Variants in MYO5B observed in about 807,000 individuals in gnomAD.
The protein encoded by MYO5B is myosin VB.
In MYO5B, 143 loss-of-function variants were observed where a neutral mutation model predicts 229.3. That is an observed-to-expected ratio of 0.62 (90% CI 0.54 to 0.72). The LOEUF (loss-of-function observed/expected upper bound fraction) is 0.72, where lower values mean the gene tolerates loss of function less well. Among genes scored for constraint, MYO5B ranks in the 30% least tolerant of loss-of-function variants. MYO5B has a pLI of 0.00. For synonymous variants in MYO5B, 918 were observed against 885.2 expected (o/e 1.04, Z -0.66); for missense variants, 2,321 against 2,331.0 (o/e 1.00, Z 0.09).
At chr18:49,943,219 G>C (rs540412891) in intron 14 of MYO5B, among the ~76,000 whole-genome samples, 9 of 115,154 alleles carry the variant, frequency 7.8e-5, no homozygotes, top group African/African-American at 3.0e-4. Flanking sequence ...ACTGTTGTGG[G>C]GTGGGGGGAG....
At chr18:49,920,888 C>T (rs909416199) in intron 17 of MYO5B, among the ~76,000 whole-genome samples, 3 of 152,134 alleles carry the variant, frequency 2.0e-5, no homozygotes, top group African/African-American at 4.8e-5. Context: ...CGTGAAAACC[C>T]GTGGGTCAGG....
At position 49,906,465 on chromosome 18, in the gene MYO5B, C is replaced by A; in HGVS notation, c.2368G>T (p.Ala790Ser). Residue 790 changes from alanine to serine, a missense_variant, in exon 19 of 40, where the codon GCT becomes TCT. This residue lies in a region of MYO5B where 2,113 missense variants were observed against 2,044.7 expected (regional missense o/e 1.03). Transcript: ENST00000285039. ...QKVKYHRLKG[A>S]TLTLQRYCRG... ...CAGTACCTCTGCAGGGTTAAGGTAG[C>A]CCCCTTCAGCCTGTGATATTTCACC... 1.2e-6 allele frequency: 2 copies of A among 1,614,188 alleles called. No homozygotes were observed. Among genetic ancestry groups the A allele is most frequent in the Non-Finnish European group, 1.7e-6 (2 of 1,180,034 alleles).
chr18:50,110,721 A>C (rs1237998892), intron 1 of MYO5B, among the ~76,000 whole-genome samples: 1 of 152,238 alleles, frequency 6.6e-6, no homozygotes, highest in Non-Finnish European at 1.5e-5. Context: ...ATTAGTAAAC[A>C]ATTTCCAAAT....
At chr18:49,940,281 C>T (rs1312443195) in intron 14 of MYO5B, among the ~76,000 whole-genome samples, 2 of 152,168 alleles carry the variant, frequency 1.3e-5, no homozygotes, top group Admixed American at 6.5e-5. Flanking sequence ...CTTCTGCAGT[C>T]AGAGATACCT....
At chr18:49,877,558 T>A (rs1467172617) in intron 25 of MYO5B, among the ~76,000 whole-genome samples, 1 of 152,196 alleles carries the variant, frequency 6.6e-6, no homozygotes, top group Non-Finnish European at 1.5e-5. Flanking sequence ...TGAACAATAA[T>A]GTATTGCTTT....
At chr18:49,947,101 CTT>C (rs74176748) in intron 14 of MYO5B, among the ~76,000 whole-genome samples, 3,156 of 108,170 alleles carry the variant, frequency 0.029, 43 homozygotes, top group African/African-American at 0.086. Context: ...TCACCAAGCT[CTT>C]TTTTTTTTTT....
At chr18:50,108,341 T>G (rs1431838889) in intron 1 of MYO5B, among the ~76,000 whole-genome samples, 3 of 152,238 alleles carry the variant, frequency 2.0e-5, no homozygotes, top group Non-Finnish European at 4.4e-5. Context: ...ATAGTTTGAG[T>G]CTTCTGCTCT....
chr18:49,839,934 T>C (rs898761126), intron 35 of MYO5B: 2 of 156,362 alleles, frequency 1.3e-5, no homozygotes. Flanking sequence ...AAAAGATTAG[T>C]GCTCCCAAAA....
At chr18:49,932,752 A>T (rs1019370578) in intron 16 of MYO5B, among the ~76,000 whole-genome samples, 3 of 152,170 alleles carry the variant, frequency 2.0e-5, no homozygotes, top group African/African-American at 7.2e-5. Flanking sequence ...TATTGCCATC[A>T]TCTTTCCCTG....
intron 1 of MYO5B, among the ~76,000 whole-genome samples, chr18:50,133,267 T>A (rs184860540): frequency 6.7e-6 from 1 of 149,930 alleles, no homozygotes; most frequent in East Asian, 2.0e-4. Context: ...TCTCTAGTGC[T>A]CTCCTCAAAT....
intron 27 of MYO5B, 90 bp downstream of exon 27, chr18:49,872,077 G>T (rs1374354908): frequency 1.7e-6 from 2 of 1,202,976 alleles, no homozygotes; most frequent in South Asian, 1.2e-5. Context: ...AGCAGACTGG[G>T]GCTCAGGGCC....
At chr18:50,080,340 C>A (rs2031188932) in intron 1 of MYO5B, among the ~76,000 whole-genome samples, 2 of 152,142 alleles carry the variant, frequency 1.3e-5, no homozygotes, top group Admixed American at 1.3e-4. Context: ...GAGGTGCTGC[C>A]CTCACTTCCA....
At chr18:50,154,464 G>A (rs1354445480) in intron 1 of MYO5B, among the ~76,000 whole-genome samples, 1 of 152,170 alleles carries the variant, frequency 6.6e-6, no homozygotes, top group African/African-American at 2.4e-5. Context: ...AAGCCTACCT[G>A]CATATTGGGG....
At chr18:49,915,457 T>G (rs1324565325) in intron 17 of MYO5B, among the ~76,000 whole-genome samples, 1 of 152,240 alleles carries the variant, frequency 6.6e-6, no homozygotes, top group African/African-American at 2.4e-5. Context: ...ATCAGGTCCA[T>G]GTGGATTCCC....
At chr18:49,892,168 A>C (rs2024722863) in intron 22 of MYO5B, among the ~76,000 whole-genome samples, 1 of 152,264 alleles carries the variant, frequency 6.6e-6, no homozygotes, top group Non-Finnish European at 1.5e-5. Flanking sequence ...GGATCGCTGA[A>C]GCTTTCAAAA....
chr18:50,046,730 A>C (rs1396075849), intron 2 of MYO5B, among the ~76,000 whole-genome samples: 3 of 152,152 alleles, frequency 2.0e-5, no homozygotes, highest in Non-Finnish European at 4.4e-5. Context: ...GCACAAAAAA[A>C]CACAAACAAG....
intron 4 of MYO5B, among the ~76,000 whole-genome samples, chr18:50,013,333 G>A (rs968590386): frequency 6.6e-6 from 1 of 152,208 alleles, no homozygotes; most frequent in Non-Finnish European, 1.5e-5. Flanking sequence ...ACAGGTCTGA[G>A]TATGCCAACT....
In MYO5B at chr18:49,879,297, C is replaced by G. The variant is rs1331735608; in HGVS notation, c.3131-207G>C. ...TAGTCTTCAGAGAGGGAGAGAAAGA[C>G]CCTGCTCTCAGGGAATGGGGAGAGA... On this transcript the variant is annotated intron_variant, in intron 23 of 39. Transcript: ENST00000285039. 2.3e-5 allele frequency: 14 copies of G among 614,380 alleles called. No individual in the cohort carries two copies. The Middle Eastern group carries it at 2.1e-3, about 94-fold the overall frequency. 38.1% of individuals were successfully genotyped at this position (614,380 alleles called of 1,614,324 possible). A position where few individuals can be genotyped will look rare whatever the true frequency, so the allele number is the denominator to read the frequency against.
intron 1 of MYO5B, among the ~76,000 whole-genome samples, chr18:50,109,184 G>A (rs887237291): frequency 6.6e-6 from 1 of 152,118 alleles, no homozygotes; most frequent in African/African-American, 2.4e-5. Flanking sequence ...ACCCTAAGAG[G>A]GCAAATGGCA....
Sources: allele counts gnomAD v4.1 joint callset (sites outside exome capture counted in the v4.1 genomes callset), GRCh38; gene constraint gnomAD v4.1.1; regional missense constraint gnomAD v4.1.1; transcripts MANE v1.5; gene names NCBI Gene and HGNC (gene_info 2026-07-23, HGNC 2026-07-21).